Variants in XNDC1N observed in about 807,000 individuals in gnomAD.
XNDC1N encodes protein XNDC1N.
At chr11:71,907,390 G>GC in the XNDC1N span, among the ~76,000 whole-genome samples, 1 of 150,310 alleles carries the variant, frequency 6.7e-6, no homozygotes, top group African/African-American at 2.4e-5. Flanking sequence ...AGCCCCTCTT[G>GC]CCCCCCTGGC....
chr11:71,881,336 G>A, the XNDC1N span, among the ~76,000 whole-genome samples: 1 of 151,906 alleles, frequency 6.6e-6, no homozygotes. Flanking sequence ...AGATGTATTA[G>A]GCCATTCTTG....
the XNDC1N span, among the ~76,000 whole-genome samples, chr11:71,890,375 G>A: frequency 6.6e-6 from 1 of 152,108 alleles, no homozygotes; most frequent in Non-Finnish European, 1.5e-5. Context: ...ACAATATCAC[G>A]GGGGATGTAT....
chr11:71,876,626 C>T, the XNDC1N span, among the ~76,000 whole-genome samples: 2 of 152,174 alleles, frequency 1.3e-5, no homozygotes, highest in African/African-American at 4.8e-5. Context: ...TACATTTACA[C>T]CAGCCTACAT....
At chr11:71,919,037 G>A in the XNDC1N span, 40 of 702,416 alleles carry the variant, frequency 5.7e-5, no homozygotes, top group African/African-American at 6.4e-4. Context: ...CTAAGTAAGA[G>A]AGGAGGAGAA....
the XNDC1N span, among the ~76,000 whole-genome samples, chr11:71,866,725 C>T: frequency 6.6e-6 from 1 of 151,618 alleles, no homozygotes; most frequent in African/African-American, 2.4e-5. Context: ...GATTGCGCCA[C>T]TGTACTCGAG....
At chr11:71,888,293 C>G in the XNDC1N span, among the ~76,000 whole-genome samples, 1 of 152,164 alleles carries the variant, frequency 6.6e-6, no homozygotes, top group East Asian at 1.9e-4. Flanking sequence ...TGCCATCTAG[C>G]GGAGCCTAAG....
chr11:71,918,852 TTCC>T, the XNDC1N span: 4 of 700,812 alleles, frequency 5.7e-6, no homozygotes, highest in South Asian at 5.9e-5. Context: ...TCCTGTGTTC[TTCC>T]TCAAGGTTCC....
chr11:71,916,594 C>CTTCTTAAAA, the XNDC1N span: 1 of 238,382 alleles, frequency 4.2e-6, no homozygotes, highest in South Asian at 7.5e-5. Context: ...AGTGGATTAC[C>CTTCTTAAAA]TGAGATATAT....
chr11:71,903,245 G>C, the XNDC1N span: 2 of 1,032,390 alleles, frequency 1.9e-6, no homozygotes, highest in Non-Finnish European at 3.1e-6. Context: ...CGAACTCTCA[G>C]AGGATCCAGA....
the XNDC1N span, among the ~76,000 whole-genome samples, chr11:71,873,539 G>A: frequency 4.3e-3 from 662 of 152,302 alleles, 3 homozygotes; most frequent in African/African-American, 0.015. Context: ...CTCTGAGATG[G>A]TGACACAGGA....
At chr11:71,881,806 C>T in the XNDC1N span, among the ~76,000 whole-genome samples, 1 of 151,566 alleles carries the variant, frequency 6.6e-6, no homozygotes, top group African/African-American at 2.4e-5. Context: ...TAGCAACTTC[C>T]AAAACTTAAA....
chr11:71,867,396 GA>G, the XNDC1N span, among the ~76,000 whole-genome samples: 1 of 152,284 alleles, frequency 6.6e-6, no homozygotes, highest in East Asian at 1.9e-4. Flanking sequence ...CAAGACCAAG[GA>G]AAACTGCTTT....
the XNDC1N span, among the ~76,000 whole-genome samples, chr11:71,880,265 T>A: frequency 6.6e-6 from 1 of 152,094 alleles, no homozygotes; most frequent in Non-Finnish European, 1.5e-5. Flanking sequence ...TGATTATTGG[T>A]GTTGGTAAAA....
At chr11:71,905,160 G>T in the XNDC1N span, among the ~76,000 whole-genome samples, 20 of 151,920 alleles carry the variant, frequency 1.3e-4, no homozygotes, top group Non-Finnish European at 4.4e-5. Flanking sequence ...TACACCATGT[G>T]TGTACACTCA....
At chr11:71,904,122 A>C in the XNDC1N span, 5 of 495,858 alleles carry the variant, frequency 1.0e-5, no homozygotes, top group Admixed American at 1.0e-4. Flanking sequence ...GCGCAGTCTA[A>C]TCTCAATATC....
the XNDC1N span, among the ~76,000 whole-genome samples, chr11:71,871,906 C>A: frequency 6.6e-6 from 1 of 152,072 alleles, no homozygotes; most frequent in African/African-American, 2.4e-5. Context: ...CTTTACAATG[C>A]TGATGGAAAT....
At chr11:71,916,115 CAG>C in the XNDC1N span, 2 of 703,002 alleles carry the variant, frequency 2.8e-6, no homozygotes, top group Admixed American at 2.0e-5. Flanking sequence ...GGACCCACCA[CAG>C]AGTCATCTAA....
chr11:71,911,435 G>A, the XNDC1N span, among the ~76,000 whole-genome samples: 1 of 152,190 alleles, frequency 6.6e-6, no homozygotes, highest in African/African-American at 2.4e-5. Flanking sequence ...TCAGGAGACT[G>A]GGAACTATAT....
At chr11:71,913,682 A>G in the XNDC1N span, among the ~76,000 whole-genome samples, 141 of 151,674 alleles carry the variant, frequency 9.3e-4, 1 homozygote, top group African/African-American at 3.2e-3. Flanking sequence ...AAAAAAAAAA[A>G]AAAAAAGAAA....
Sources: allele counts gnomAD v4.1 joint callset (sites outside exome capture counted in the v4.1 genomes callset), GRCh38; gene constraint gnomAD v4.1.1; transcripts MANE v1.5; gene names NCBI Gene and HGNC (gene_info 2026-07-23, HGNC 2026-07-21).